Variants in FRMPD4 observed in about 807,000 individuals in gnomAD.
FRMPD4 encodes the protein FERM and PDZ domain containing 4.
FRMPD4 carries 22 observed loss-of-function variants against 94.1 expected under a neutral mutation model. The observed-to-expected ratio is 0.23, with a 90% CI of 0.17 to 0.33. FRMPD4 has a LOEUF of 0.33. Among genes scored for constraint, FRMPD4 ranks in the 10% least tolerant of loss-of-function variants. The probability of loss-of-function intolerance (pLI) is 1.00; values close to 1 mark genes in which losing one functional copy is unlikely to be tolerated. For missense variants in FRMPD4, 1,111 were observed against 1,339.9 expected (o/e 0.83, Z 2.67); for synonymous variants, 631 against 548.6 (o/e 1.15, Z -2.10).
At chrX:12,550,190 G>C (rs1482622744) in intron 2 of FRMPD4, among the ~76,000 whole-genome samples, 1 of 111,459 alleles carries the variant, frequency 9.0e-6, no homozygotes, top group Non-Finnish European at 1.9e-5. Flanking sequence ...TTCTAACAGA[G>C]AAGCAAGTAA....
At chrX:12,207,482 G>A (rs1278012746) in intron 1 of FRMPD4, among the ~76,000 whole-genome samples, 1 of 110,447 alleles carries the variant, frequency 9.1e-6, no homozygotes, top group Non-Finnish European at 1.9e-5. Context: ...GATAATAACT[G>A]TACATTAAAA....
intron 1 of FRMPD4, among the ~76,000 whole-genome samples, chrX:12,380,459 G>C (rs548831899): frequency 8.9e-6 from 1 of 112,109 alleles, no homozygotes; most frequent in South Asian, 3.7e-4. Context: ...ATGTACAGCT[G>C]CATGACAGTA....
chrX:11,842,927 A>G (rs1366537684), intron 1 of FRMPD4, among the ~76,000 whole-genome samples: 1 of 111,009 alleles, frequency 9.0e-6, no homozygotes, highest in African/African-American at 3.3e-5. Context: ...CATCCCATCA[A>G]TACCTAATTT....
chrX:11,895,414 A>G (rs765430227), intron 3 of FRMPD4, among the ~76,000 whole-genome samples: 48 of 111,474 alleles, frequency 4.3e-4, no homozygotes, highest in South Asian at 7.6e-4. Context: ...CAGAACATTA[A>G]TGAAAACTGT....
chrX:12,097,998 A>G (rs1218197152), intron 3 of FRMPD4, among the ~76,000 whole-genome samples: 1 of 111,870 alleles, frequency 8.9e-6, no homozygotes, highest in Non-Finnish European at 1.9e-5. Flanking sequence ...CTGCCAACCT[A>G]TTTTCCAAAG....
intron 1 of FRMPD4, among the ~76,000 whole-genome samples, chrX:12,284,840 C>G (rs7057104): frequency 0.074 from 8,309 of 111,743 alleles, 765 homozygotes; most frequent in African/African-American, 0.26. Flanking sequence ...TCTAATTCTG[C>G]CTCTGCCTCT....
At position 12,716,922 on chromosome X, in the gene FRMPD4, G is replaced by A. The variant is rs2042098474; in HGVS notation, c.2463G>A (p.Glu821=). ...PPGFRDSSDE[E]DSQSQAASFP... Reference sequence around the variant, plus strand: ...GCTTTAGAGACAGTTCAGATGAAGAGGACTCTCAGAGCCAGGCAGCTTCCT... The same window carrying A: ...GCTTTAGAGACAGTTCAGATGAAGAAGACTCTCAGAGCCAGGCAGCTTCCT... Residue 821 remains glutamate, a synonymous_variant, in exon 15 of 17, where the codon GAG becomes GAA. Transcript: ENST00000675598. 1 of 1,210,910 alleles carries A rather than the reference G, an allele frequency of 8.3e-7. No homozygotes were observed. Among genetic ancestry groups the A allele is most frequent in the African/African-American group, 1.7e-5 (1 of 57,848 alleles).
intron 3 of FRMPD4, among the ~76,000 whole-genome samples, chrX:12,063,843 C>T (rs2054901707): frequency 8.9e-6 from 1 of 112,649 alleles, no homozygotes; most frequent in African/African-American, 3.2e-5. Flanking sequence ...ATCTGTATCT[C>T]CTTATTTTGC....
chrX:12,136,143 T>C (rs1199478696), upstream of FRMPD4, among the ~76,000 whole-genome samples: 1 of 111,454 alleles, frequency 9.0e-6, no homozygotes, highest in African/African-American at 3.3e-5. Context: ...CTGGGGATGC[T>C]TGGCCAGCTT....
chrX:12,069,935 T>C, intron 3 of FRMPD4, among the ~76,000 whole-genome samples: 1 of 111,735 alleles, frequency 8.9e-6, no homozygotes, highest in Non-Finnish European at 1.9e-5. Context: ...AACGACCTGA[T>C]GGCAGTAGGT....
chrX:12,047,713 T>C (rs959900688), intron 3 of FRMPD4, among the ~76,000 whole-genome samples: 1 of 111,963 alleles, frequency 8.9e-6, no homozygotes, highest in Admixed American at 9.5e-5. Context: ...GTGTACCCGA[T>C]GTTTAGCTCC....
chrX:12,067,543 G>T (rs904158220), intron 3 of FRMPD4, among the ~76,000 whole-genome samples: 3 of 108,853 alleles, frequency 2.8e-5, no homozygotes, highest in Admixed American at 9.8e-5. Context: ...TCAGCCTCCC[G>T]AGTAGCTGAG....
intron 2 of FRMPD4, among the ~76,000 whole-genome samples, chrX:12,553,433 C>CATATATATATATATAT (rs1257665252): frequency 2.8e-4 from 8 of 28,746 alleles, no homozygotes; most frequent in Admixed American, 8.3e-4. Context: ...TATCCATATG[C>CATATATATATATATAT]CTATATATAT....
chrX:12,687,693 G>A (rs1315830482), intron 7 of FRMPD4, among the ~76,000 whole-genome samples: 1 of 112,393 alleles, frequency 8.9e-6, no homozygotes, highest in Non-Finnish European at 1.9e-5. Context: ...GGGCACAGGA[G>A]AGATTGAGTG....
intron 7 of FRMPD4, among the ~76,000 whole-genome samples, 191 bp from the exon 8 acceptor site, chrX:12,690,004 A>T (rs1046250014): frequency 2.7e-5 from 3 of 112,633 alleles, no homozygotes; most frequent in African/African-American, 9.7e-5. Flanking sequence ...GGAGGCCAGG[A>T]AAAGGGCAAG....
At chrX:11,834,342 C>T (rs949891577) in intron 1 of FRMPD4, among the ~76,000 whole-genome samples, 2 of 111,896 alleles carry the variant, frequency 1.8e-5, no homozygotes, top group African/African-American at 6.5e-5. Context: ...TCCAGTCCTT[C>T]CGTTGGTTCT....
intron 2 of FRMPD4, among the ~76,000 whole-genome samples, chrX:12,603,521 T>C (rs1346165242): frequency 8.9e-6 from 1 of 112,161 alleles, no homozygotes; most frequent in Non-Finnish European, 1.9e-5. Flanking sequence ...GCAGGATTTC[T>C]GTCATTCCTT....
chrX:12,364,871 G>A (rs1297830534), intron 1 of FRMPD4, among the ~76,000 whole-genome samples: 1 of 112,164 alleles, frequency 8.9e-6, no homozygotes, highest in East Asian at 2.8e-4. Flanking sequence ...TCATTGGTTG[G>A]TTGATTCCTT....
At chrX:12,467,183 C>CAAAA (rs34527820) in intron 1 of FRMPD4, among the ~76,000 whole-genome samples, 1 of 81,284 alleles carries the variant, frequency 1.2e-5, no homozygotes, top group Non-Finnish European at 2.3e-5. Context: ...AATGTAGTCT[C>CAAAA]AAAAAAAAAA....
Sources: allele counts gnomAD v4.1 joint callset (sites outside exome capture counted in the v4.1 genomes callset), GRCh38; gene constraint gnomAD v4.1.1; transcripts MANE v1.5; gene names NCBI Gene and HGNC (gene_info 2026-07-23, HGNC 2026-07-21).